Variants in KRABD3 observed in about 807,000 individuals in gnomAD.
KRABD3 encodes the protein KRAB domain-containing protein 3.
the KRABD3 span, among the ~76,000 whole-genome samples, chr7:149,725,044 C>T: frequency 9.0e-3 from 1,367 of 152,342 alleles, 19 homozygotes; most frequent in African/African-American, 0.03. Context: ...TCGGGGCCTT[C>T]GTTTTGCAGT....
the KRABD3 span, chr7:149,721,591 G>A: frequency 1.3e-6 from 2 of 1,568,190 alleles, no homozygotes; most frequent in Non-Finnish European, 1.7e-6. Flanking sequence ...CCCTGATCGT[G>A]GCGTCAGAGG....
the KRABD3 span, chr7:149,734,058 C>T: frequency 1.9e-6 from 3 of 1,592,054 alleles, no homozygotes; most frequent in South Asian, 1.1e-5. Flanking sequence ...TGGCATTCCT[C>T]TTCTCCACAT....
chr7:149,719,606 G>T, the KRABD3 span: 3 of 1,607,270 alleles, frequency 1.9e-6, no homozygotes, highest in Non-Finnish European at 2.5e-6. This position sits in a 1 kb window ranked among gnomAD's most constrained non-coding sequence, Gnocchi z 5.6. Flanking sequence ...GCGGCTCCTG[G>T]AGGAGGGGCA....
chr7:149,724,142 G>A, the KRABD3 span, among the ~76,000 whole-genome samples: 84 of 152,314 alleles, frequency 5.5e-4, no homozygotes, highest in Admixed American at 1.0e-3. Flanking sequence ...AGTGGGGAGG[G>A]AGCGAGATCA....
chr7:149,726,667 A>G, the KRABD3 span, among the ~76,000 whole-genome samples: 3 of 151,934 alleles, frequency 2.0e-5, no homozygotes, highest in African/African-American at 4.8e-5. Context: ...CGAACTCCTG[A>G]CCACAGGCAA....
the KRABD3 span, among the ~76,000 whole-genome samples, chr7:149,732,886 A>T: frequency 6.6e-6 from 1 of 151,956 alleles, no homozygotes; most frequent in Non-Finnish European, 1.5e-5. This position sits in a 1 kb window ranked among gnomAD's most constrained non-coding sequence, Gnocchi z 4.0. Flanking sequence ...GCAGGGTGCC[A>T]TTTGGTCTCA....
chr7:149,729,478 C>T, the KRABD3 span: 3 of 1,281,454 alleles, frequency 2.3e-6, no homozygotes, highest in South Asian at 8.6e-5. Flanking sequence ...ATCTCTCATC[C>T]TTTCCCCAGA....
the KRABD3 span, chr7:149,721,427 C>T: frequency 6.2e-7 from 1 of 1,612,228 alleles, no homozygotes; most frequent in Admixed American, 1.7e-5. Flanking sequence ...GCTCAGCTGC[C>T]TTCCAGACGG....
At chr7:149,733,851 C>T in the KRABD3 span, 5 of 1,600,254 alleles carry the variant, frequency 3.1e-6, no homozygotes, top group African/African-American at 5.4e-5. Context: ...CCTTTAGTGC[C>T]TGCTGCCTTA....
chr7:149,725,951 G>T, the KRABD3 span: 1 of 1,602,680 alleles, frequency 6.2e-7, no homozygotes, highest in Non-Finnish European at 8.5e-7. Context: ...GCCCCAGCAG[G>T]CCCCTGGCCC....
the KRABD3 span, chr7:149,734,186 C>T: frequency 8.2e-7 from 1 of 1,225,330 alleles, no homozygotes; most frequent in African/African-American, 1.5e-5. Flanking sequence ...CGCCCTTTGT[C>T]CCAACTGGGT....
At chr7:149,731,746 G>C in the KRABD3 span, 2 of 1,612,072 alleles carry the variant, frequency 1.2e-6, no homozygotes. Context: ...CAGAGGCCTG[G>C]AGCTTGGACA....
chr7:149,719,384 C>A, the KRABD3 span: 1 of 651,140 alleles, frequency 1.5e-6, no homozygotes, highest in Non-Finnish European at 2.4e-6. This position sits in a 1 kb window ranked among gnomAD's most constrained non-coding sequence, Gnocchi z 5.6. Context: ...AGACACAGCT[C>A]ACCCCCAGCA....
At chr7:149,721,989 T>TA in the KRABD3 span, 8 of 368,924 alleles carry the variant, frequency 2.2e-5, no homozygotes, top group Non-Finnish European at 4.1e-5. Context: ...TCTGTTTTTA[T>TA]AAAAAAGTAC....
At chr7:149,722,981 G>A in the KRABD3 span, 95 of 1,523,260 alleles carry the variant, frequency 6.2e-5, no homozygotes, top group Admixed American at 3.5e-4. Context: ...CTCAGGCTGA[G>A]GTCTCTGAAG....
the KRABD3 span, among the ~76,000 whole-genome samples, chr7:149,732,878 A>G: frequency 6.6e-6 from 1 of 152,076 alleles, no homozygotes; most frequent in African/African-American, 2.4e-5. The surrounding 1 kb of genome is among the most constrained non-coding windows in gnomAD (Gnocchi z 4.0). Context: ...CTCCTAGGGC[A>G]GGGTGCCATT....
the KRABD3 span, chr7:149,734,098 G>A: frequency 6.5e-7 from 1 of 1,540,396 alleles, no homozygotes. Flanking sequence ...GTGCAGTGGT[G>A]GCGTGGAAGC....
the KRABD3 span, chr7:149,721,356 T>C: frequency 1.9e-6 from 3 of 1,565,024 alleles, no homozygotes; most frequent in Non-Finnish European, 2.6e-6. Flanking sequence ...TTACCAGTTG[T>C]TGATTCTCCC....
At chr7:149,733,803 T>A in the KRABD3 span, 17 of 1,604,382 alleles carry the variant, frequency 1.1e-5, no homozygotes, top group East Asian at 2.3e-4. Flanking sequence ...GCACACCCCC[T>A]CCTCGCACAT....
Sources: gnomAD v4.1 joint callset for allele counts (sites outside exome capture counted in the v4.1 genomes callset) on GRCh38, gnomAD v4.1.1 for gene constraint, Gnocchi (gnomAD v3.1) non-coding constraint, MANE v1.5 for transcripts, NCBI Gene and HGNC (gene_info 2026-07-23, HGNC 2026-07-21) for gene names.